The following KCNMA1 variants were observed in gnomAD, a reference collection of about 807,000 sequenced individuals.
The protein encoded by KCNMA1 is Calcium-activated potassium channel subunit alpha-1.
Under a neutral mutation model 140.0 loss-of-function variants are expected in KCNMA1, and 29 were observed. The observed-to-expected ratio is 0.21, with a 90% CI of 0.15 to 0.28. KCNMA1 has a LOEUF of 0.28. Ranked by LOEUF, KCNMA1 falls within the 10% of genes least tolerant of loss-of-function variation. KCNMA1 has a pLI of 1.00. For synonymous variants in KCNMA1, 612 were observed against 611.9 expected, an observed-to-expected ratio of 1.00 and a Z score of 0.00; for missense variants, 880 against 1,602.2, an observed-to-expected ratio of 0.55 and a Z score of 7.70.
At chr10:77,353,996 G>T (rs1362262379) in intron 2 of KCNMA1, among the ~76,000 whole-genome samples, 1 of 145,620 alleles carries the variant, frequency 6.9e-6, no homozygotes. Flanking sequence ...GGGGGTGGAG[G>T]GGTGGGGATG....
rs1010523975 is a variant in KCNMA1, at chr10:77,018,940, G to C, written c.2015+73C>G. 11 of 842,390 alleles carry C rather than the reference G, an allele frequency of 1.3e-5. No individual in the cohort carries two copies. In the African/African-American group the frequency reaches 1.8e-4, roughly 14 times the overall value. 52.2% of individuals were successfully genotyped at this position (842,390 alleles called of 1,614,324 possible). A position where few individuals can be genotyped will look rare whatever the true frequency, so the allele number is the denominator to read the frequency against. ...GTTAAGGAGTTTTGGGGTTATGGAA[G>C]CCTGCCTACTTCCGTGGGTCAAGGT... On this transcript the variant is annotated intron_variant, in intron 17 of 27. Coordinates refer to ENST00000286628, the MANE Select transcript of KCNMA1 (RefSeq NM_001161352.2).
intron 1 of KCNMA1, among the ~76,000 whole-genome samples, chr10:77,630,344 C>T (rs2154570986): frequency 6.6e-6 from 1 of 152,286 alleles, no homozygotes; most frequent in East Asian, 1.9e-4. Flanking sequence ...TGCAGAATGA[C>T]CAACTGGCAC....
Position 76,885,116 on chromosome 10 carries a change from T to G in KCNMA1, c.*2150A>C. On this transcript the variant is annotated 3_prime_UTR_variant, in exon 28 of 28. Transcript: ENST00000286628. ...ACTGGCACATTCTTATAGTTATAAA[T>G]GTTCTGAGGGCGTAACTTTATAACC... is the stretch of plus-strand genomic sequence containing the variant. 6.7e-7 allele frequency: 1 copy of G among 1,495,964 alleles called. No individual in the cohort carries two copies. The highest frequency in any genetic ancestry group is 8.9e-7 in the Non-Finnish European group (1 of 1,121,560). The allele number at this position is 1,495,964 out of a possible 1,614,324, so 92.7% of individuals were successfully genotyped here.
chr10:77,146,948 C>T (rs1183222837), intron 5 of KCNMA1, among the ~76,000 whole-genome samples: 1 of 152,036 alleles, frequency 6.6e-6, no homozygotes, highest in African/African-American at 2.4e-5. Context: ...GTCATTTATC[C>T]CTCAGTTAGA....
At chr10:77,081,274 C>T (rs2096559475) in intron 12 of KCNMA1, among the ~76,000 whole-genome samples, 1 of 152,182 alleles carries the variant, frequency 6.6e-6, no homozygotes, top group Non-Finnish European at 1.5e-5. Flanking sequence ...GCTTTATTTA[C>T]TTCACAGGCT....
chr10:76,914,033 G>A, intron 24 of KCNMA1: 1 of 1,511,356 alleles, frequency 6.6e-7, no homozygotes, highest in Non-Finnish European at 9.0e-7. Flanking sequence ...AGATACTGAT[G>A]TGAAGGAAAA....
chr10:77,015,205 G>A (rs72803398), intron 17 of KCNMA1, among the ~76,000 whole-genome samples: 8,863 of 152,128 alleles, frequency 0.058, 383 homozygotes, highest in Non-Finnish European at 0.084. Context: ...CCTGGCCTGC[G>A]TGTCCAGTGG....
intron 2 of KCNMA1, among the ~76,000 whole-genome samples, chr10:77,375,948 C>T (rs182873382): frequency 4.3e-4 from 65 of 152,314 alleles, no homozygotes; most frequent in Admixed American, 3.5e-3. Context: ...CCCCTCCTCC[C>T]GTGGGTATGA....
intron 1 of KCNMA1, among the ~76,000 whole-genome samples, chr10:77,525,394 C>G (rs990034819): frequency 6.6e-6 from 1 of 152,158 alleles, no homozygotes; most frequent in Non-Finnish European, 1.5e-5. Flanking sequence ...TCATAACCAC[C>G]CAGAAAGTGC....
intron 1 of KCNMA1, among the ~76,000 whole-genome samples, chr10:77,520,105 G>A (rs80170036): frequency 6.0e-5 from 9 of 150,178 alleles, no homozygotes; most frequent in South Asian, 2.1e-4. Context: ...GTGTGAGGGT[G>A]TGCAGTGTGA....
intron 2 of KCNMA1, among the ~76,000 whole-genome samples, chr10:77,354,094 C>T (rs2093235393): frequency 6.6e-6 from 1 of 152,116 alleles, no homozygotes; most frequent in African/African-American, 2.4e-5. Context: ...TCAAGCGATT[C>T]TCCTGCCTCA....
chr10:77,318,249 C>A (rs2081388488), intron 2 of KCNMA1, among the ~76,000 whole-genome samples: 1 of 152,184 alleles, frequency 6.6e-6, no homozygotes. Context: ...CCTGCATTTT[C>A]ACTTTTCATT....
At chr10:77,446,614 T>C (rs2097533800) in intron 1 of KCNMA1, among the ~76,000 whole-genome samples, 1 of 152,214 alleles carries the variant, frequency 6.6e-6, no homozygotes, top group Non-Finnish European at 1.5e-5. Flanking sequence ...ATCTGCCCAG[T>C]TGCCCAAGGC....
At chr10:77,354,868 A>C (rs995483761) in intron 2 of KCNMA1, among the ~76,000 whole-genome samples, 2 of 152,224 alleles carry the variant, frequency 1.3e-5, no homozygotes, top group Non-Finnish European at 2.9e-5. Context: ...TTACTGCCCA[A>C]AAAAGAGAGA....
Position 77,429,827 on chromosome 10 carries a change from C to T in KCNMA1, c.379-25804G>A, listed in dbSNP as rs117373092. The stretch of plus-strand genomic sequence containing the variant: ...TCATATATGTATATATATGATATAT[C>T]AGGCAACCCAACCTTTCCATTGAAC... On this transcript the variant is annotated intron_variant, in intron 1 of 27. Transcript: ENST00000286628. 2.2e-4 allele frequency among the ~76,000 whole-genome samples: 33 copies of T among 152,036 alleles called. 1 individual carries two copies. The East Asian group carries it at 5.8e-3, about 27-fold the overall frequency.
intron 21 of KCNMA1, chr10:76,952,179 C>T (rs1468986827): frequency 6.5e-7 from 1 of 1,550,172 alleles, no homozygotes; most frequent in African/African-American, 1.4e-5. Context: ...GTGGTAACAT[C>T]AGGCTAAATT....
chr10:77,628,045 GAC>G (rs1237809212), intron 1 of KCNMA1, among the ~76,000 whole-genome samples: 1 of 144,886 alleles, frequency 6.9e-6, no homozygotes, highest in Non-Finnish European at 1.5e-5. Context: ...CAAAGATGAA[GAC>G]AGAGAGGACT....
intron 1 of KCNMA1, among the ~76,000 whole-genome samples, chr10:77,440,098 C>T (rs939100120): frequency 4.6e-5 from 7 of 152,156 alleles, no homozygotes; most frequent in African/African-American, 1.7e-4. Flanking sequence ...CTTAAGAAAC[C>T]TTCCTATCCT....
intron 2 of KCNMA1, among the ~76,000 whole-genome samples, chr10:77,252,304 G>A (rs2059808269): frequency 6.6e-6 from 1 of 152,196 alleles, no homozygotes; most frequent in Non-Finnish European, 1.5e-5. Flanking sequence ...GATGCTTTCA[G>A]CCAACAATTA....
Sources: gnomAD v4.1 joint callset for allele counts (sites outside exome capture counted in the v4.1 genomes callset) on GRCh38, gnomAD v4.1.1 for gene constraint, MANE v1.5 for transcripts, NCBI Gene and HGNC (gene_info 2026-07-23, HGNC 2026-07-21) for gene names.